Variants in KSR2 observed in about 807,000 individuals in gnomAD.
KSR2 encodes kinase suppressor of ras 2.
A neutral mutation model predicts 107.8 loss-of-function variants in KSR2; 25 were observed. The ratio of observed to expected loss-of-function variants is 0.23; its 90% confidence interval spans 0.17 to 0.32. KSR2 has a LOEUF of 0.32. Among genes scored for constraint, KSR2 ranks in the 10% least tolerant of loss-of-function variants. The pLI, the probability that KSR2 is intolerant of heterozygous loss-of-function variation, is 1.00. For synonymous variants in KSR2, 480 were observed against 507.0 expected (o/e 0.95, Z 0.71); for missense variants, 887 against 1,268.9 (o/e 0.70, Z 4.57).
At chr12:117,881,313 G>A (rs1894020663) in intron 1 of KSR2, among the ~76,000 whole-genome samples, 1 of 152,160 alleles carries the variant, frequency 6.6e-6, no homozygotes, top group Non-Finnish European at 1.5e-5. Context: ...TTGTTTGAGG[G>A]TACAGAGGGG....
intron 10 of KSR2, among the ~76,000 whole-genome samples, chr12:117,538,066 T>TC (rs1311522143): frequency 1.3e-5 from 2 of 151,742 alleles, no homozygotes. Flanking sequence ...CGGGCTCACT[T>TC]CCCCCAGGTG....
chr12:117,535,604 T>TTGTGTGTGTG lies in KSR2; in HGVS notation c.1688-3907_1688-3898dup, dbSNP rs5801239. On this transcript the variant is annotated intron_variant, in intron 10 of 19. Coordinates refer to ENST00000339824, the MANE Select transcript of KSR2 (RefSeq NM_173598.6). ...CATTAGAATTCACCATTTCCTGGAG[T>TTGTGTGTGTG]TGTGTGTGTGTGTGTGTGTGTGTGT... is the stretch of plus-strand genomic sequence containing the variant. Among the ~76,000 whole-genome samples, 469 of 142,320 alleles carry TTGTGTGTGTG rather than the reference T, an allele frequency of 3.3e-3. 4 individuals are homozygous for TTGTGTGTGTG. Among genetic ancestry groups the TTGTGTGTGTG allele is most frequent in the African/African-American group, 0.011 (421 of 37,452 alleles). 93.4% of individuals were successfully genotyped at this position (142,320 alleles called of 152,430 possible).
In KSR2 at chr12:117,455,821, A is replaced by G. The variant is rs1189331685; in HGVS notation, c.*11378T>C. 1 of 152,172 alleles carries G rather than the reference A, an allele frequency of 6.6e-6. No individual in the cohort carries two copies. Among genetic ancestry groups the G allele is most frequent in the African/African-American group, 2.4e-5 (1 of 41,446 alleles). The allele number at this position is 152,172 out of a possible 1,614,324, so 9.4% of individuals were successfully genotyped here. A position where few individuals can be genotyped will look rare whatever the true frequency, so the allele number is the denominator to read the frequency against. On this transcript the variant is annotated 3_prime_UTR_variant, in exon 20 of 20. Coordinates refer to ENST00000339824, the MANE Select transcript of KSR2 (RefSeq NM_173598.6). ...TTGAAATCCACCAATGTACCCAAAAATAGGGCTATGAGGAAACTAGAGGAC... is the reference window on the plus strand; with the variant it reads ...TTGAAATCCACCAATGTACCCAAAAGTAGGGCTATGAGGAAACTAGAGGAC...
chr12:117,755,618 C>T (rs1015110770), intron 4 of KSR2, among the ~76,000 whole-genome samples: 1 of 152,152 alleles, frequency 6.6e-6, no homozygotes, highest in South Asian at 2.1e-4. Flanking sequence ...TTCTGAAACA[C>T]AACAATATTG....
At chr12:117,583,278 TG>T (rs1406764880) in intron 5 of KSR2, among the ~76,000 whole-genome samples, 2 of 143,864 alleles carry the variant, frequency 1.4e-5, no homozygotes, top group Non-Finnish European at 3.0e-5. Context: ...GATGGATAGG[TG>T]GGTGGGTAAG....
At chr12:117,874,330 T>C (rs1186980869) in intron 1 of KSR2, among the ~76,000 whole-genome samples, 1 of 152,110 alleles carries the variant, frequency 6.6e-6, no homozygotes, top group African/African-American at 2.4e-5. Context: ...CCTCCTGAAC[T>C]CAAGCAATCC....
intron 9 of KSR2, among the ~76,000 whole-genome samples, chr12:117,543,484 T>G (rs7313480): frequency 0.062 from 9,369 of 152,298 alleles, 809 homozygotes; most frequent in African/African-American, 0.19. Context: ...CCTCTCACTT[T>G]ATTATTTCAC....
chr12:117,738,320 G>A (rs1031316501), intron 4 of KSR2, among the ~76,000 whole-genome samples: 6 of 152,144 alleles, frequency 3.9e-5, no homozygotes, highest in Non-Finnish European at 8.8e-5. Context: ...ATCACTTAAC[G>A]ACAGGGATGC....
chr12:117,966,278 C>T (rs1384044987), intron 1 of KSR2, among the ~76,000 whole-genome samples: 2 of 152,158 alleles, frequency 1.3e-5, no homozygotes, highest in Non-Finnish European at 2.9e-5. Context: ...ACTCCTGATT[C>T]AGAGGAACAG....
chr12:117,656,993 T>G (rs1234045038), intron 5 of KSR2, among the ~76,000 whole-genome samples: 2,253 of 115,018 alleles, frequency 0.02, 114 homozygotes, highest in African/African-American at 0.075. Flanking sequence ...TATATATATA[T>G]ATATATATAT....
intron 14 of KSR2, among the ~76,000 whole-genome samples, chr12:117,488,458 C>T (rs913772955): frequency 2.6e-5 from 4 of 152,104 alleles, no homozygotes; most frequent in African/African-American, 4.8e-5. Flanking sequence ...CTAATCCCAA[C>T]GTGATGGTAT....
intron 14 of KSR2, among the ~76,000 whole-genome samples, chr12:117,489,313 CGT>C (rs1239563465): frequency 6.6e-5 from 10 of 152,118 alleles, no homozygotes; most frequent in Admixed American, 5.2e-4. Context: ...TTTGAAGGTA[CGT>C]TATCCTTCCA....
intron 1 of KSR2, among the ~76,000 whole-genome samples, chr12:117,940,257 A>G (rs1027566210): frequency 2.0e-5 from 3 of 152,210 alleles, no homozygotes; most frequent in Non-Finnish European, 4.4e-5. Context: ...CTTTAATGCC[A>G]TATCTTCAGT....
intron 3 of KSR2, among the ~76,000 whole-genome samples, chr12:117,800,539 T>C (rs2137018577): frequency 6.6e-6 from 1 of 152,300 alleles, no homozygotes; most frequent in Non-Finnish European, 1.5e-5. Flanking sequence ...ATTCTCACAT[T>C]GCTATTAAGA....
chr12:117,476,720 C>T (rs147948980), intron 16 of KSR2, 125 bp from the exon 17 acceptor site: 3 of 1,003,862 alleles, frequency 3.0e-6, no homozygotes, highest in African/African-American at 1.7e-5. Flanking sequence ...TTGAGCACTG[C>T]CTGACCACCT....
At chr12:117,769,070 G>C (rs1889344894) in intron 3 of KSR2, among the ~76,000 whole-genome samples, 2 of 152,218 alleles carry the variant, frequency 1.3e-5, no homozygotes, top group African/African-American at 4.8e-5. Flanking sequence ...GGCTGAGTCT[G>C]AATTTCCTGC....
At chr12:117,783,634 G>A (rs541815405) in intron 3 of KSR2, among the ~76,000 whole-genome samples, 1 of 152,224 alleles carries the variant, frequency 6.6e-6, no homozygotes, top group African/African-American at 2.4e-5. Context: ...AGGTGGGTAG[G>A]GCAGGGGAGT....
intron 14 of KSR2, among the ~76,000 whole-genome samples, chr12:117,486,867 A>G (rs920066201): frequency 6.6e-6 from 1 of 152,226 alleles, no homozygotes; most frequent in Non-Finnish European, 1.5e-5. Flanking sequence ...GAATGAGATA[A>G]AAGAGTTGGA....
At chr12:117,553,132 A>G (rs1285900227) in intron 9 of KSR2, among the ~76,000 whole-genome samples, 1 of 152,266 alleles carries the variant, frequency 6.6e-6, no homozygotes. Context: ...CTCACAGCTA[A>G]TAAGCAAAGG....
Sources: gnomAD v4.1 joint callset for allele counts (sites outside exome capture counted in the v4.1 genomes callset) on GRCh38, gnomAD v4.1.1 for gene constraint, MANE v1.5 for transcripts, NCBI Gene and HGNC (gene_info 2026-07-23, HGNC 2026-07-21) for gene names.